The following MROH9 variants were observed in gnomAD, a reference collection of about 807,000 sequenced individuals.
The protein encoded by MROH9 is maestro heat-like repeat-containing protein family member 9.
Under a neutral mutation model 98.2 loss-of-function variants are expected in MROH9, and 92 were observed. That is an observed-to-expected ratio of 0.94 (90% CI 0.79 to 1.11). The LOEUF is 1.11. MROH9 is among the 50% of genes most tolerant of loss of function. The pLI, the probability that MROH9 is intolerant of heterozygous loss-of-function variation, is 0.00. For missense variants in MROH9, 1,057 were observed against 1,014.8 expected (o/e 1.04, Z -0.57); for synonymous variants, 397 against 368.9 (o/e 1.08, Z -0.87).
rs754332732 is a variant in MROH9 at position 171,044,972 on chromosome 1, C to CTTTTTTTTTTTTTTTTTTTTTTT, written c.2282-17135_2282-17113dup. Among the ~76,000 whole-genome samples, 29 of 45,708 alleles carry CTTTTTTTTTTTTTTTTTTTTTTT rather than the reference C, an allele frequency of 6.3e-4. 8 individuals are homozygous for CTTTTTTTTTTTTTTTTTTTTTTT. Among genetic ancestry groups the CTTTTTTTTTTTTTTTTTTTTTTT allele is most frequent in the Non-Finnish European group, 9.4e-4 (21 of 22,272 alleles). The allele number at this position is 45,708 out of a possible 152,430, so 30.0% of individuals were successfully genotyped here. A position where few individuals can be genotyped will look rare whatever the true frequency, so the allele number is the denominator to read the frequency against. The stretch of plus-strand genomic sequence containing the variant: ...CAATTCCATTTATTTCTGCTCTGAT[C>CTTTTTTTTTTTTTTTTTTTTTTT]TTTTTTTTTTTTTTTTTTTTTTTTT... On this transcript the variant is annotated intron_variant, in intron 20 of 21. Transcript: ENST00000367759.
intron 20 of MROH9, among the ~76,000 whole-genome samples, chr1:171,061,190 G>A (rs1485981780): frequency 6.6e-6 from 1 of 152,104 alleles, no homozygotes; most frequent in African/African-American, 2.4e-5. Flanking sequence ...AAACCCATGA[G>A]GATGACTGAA....
At position 170,957,151 on chromosome 1, in the gene MROH9, G is replaced by A. The variant is rs553794177; in HGVS notation, c.73-1310G>A. ...TCTAATTTTATTAATTGTTCTCTTT[G>A]CTGTGCAGAAGCTTGTTAGTTTGAT... On this transcript the variant is annotated intron_variant, in intron 3 of 21. Coordinates refer to ENST00000367759, the MANE Select transcript of MROH9 (RefSeq NM_001163629.2). Among the ~76,000 whole-genome samples, 6 of 150,248 alleles carry A rather than the reference G, an allele frequency of 4.0e-5. No homozygotes were observed. In the East Asian group the frequency reaches 5.9e-4, roughly 15 times the overall value.
chr1:170,992,683 T>C (rs1200203548), intron 12 of MROH9, among the ~76,000 whole-genome samples: 1 of 152,146 alleles, frequency 6.6e-6, no homozygotes, highest in Non-Finnish European at 1.5e-5. Flanking sequence ...CTGAATCAGG[T>C]GAGGATTTGA....
chr1:171,045,846 G>A (rs1653455807), intron 20 of MROH9, among the ~76,000 whole-genome samples: 1 of 152,084 alleles, frequency 6.6e-6, no homozygotes, highest in African/African-American at 2.4e-5. Flanking sequence ...ATGTTTCTTT[G>A]TTGATTTTCT....
At chr1:171,041,891 T>C (rs1653319502) in intron 20 of MROH9, among the ~76,000 whole-genome samples, 1 of 152,000 alleles carries the variant, frequency 6.6e-6, no homozygotes, top group Non-Finnish European at 1.5e-5. Context: ...TATATATTTA[T>C]GGGTACATGG....
At chr1:171,032,474 GTTGTTGTTT>G (rs1007600829) in intron 20 of MROH9, among the ~76,000 whole-genome samples, 1 of 152,000 alleles carries the variant, frequency 6.6e-6, no homozygotes, top group African/African-American at 2.4e-5. Flanking sequence ...GGGCTTTTTT[GTTGTTGTTT>G]TTGTTGTTTC....
At chr1:170,989,834 C>T in intron 10 of MROH9, 21 bp from the exon 11 acceptor site, 1 of 1,581,200 alleles carries the variant, frequency 6.3e-7, no homozygotes, top group South Asian at 1.1e-5. Flanking sequence ...TTCTTGTTTA[C>T]CTGTGGAATT....
intron 15 of MROH9, chr1:170,998,744 T>A: frequency 1.0e-6 from 1 of 988,138 alleles, no homozygotes; most frequent in Non-Finnish European, 1.2e-6. Context: ...TGTAATACTA[T>A]AATGGAATCA....
At chr1:171,005,683 GT>G (rs542370731) in intron 15 of MROH9, among the ~76,000 whole-genome samples, 4 of 151,692 alleles carry the variant, frequency 2.6e-5, no homozygotes, top group African/African-American at 4.8e-5. Flanking sequence ...AGTCATTATG[GT>G]TTTTTTTACA....
intron 20 of MROH9, among the ~76,000 whole-genome samples, chr1:171,056,977 A>G (rs183455807): frequency 2.2e-4 from 33 of 152,350 alleles, no homozygotes; most frequent in Non-Finnish European, 4.4e-5. Flanking sequence ...GCAGCCTCAA[A>G]CTCACAAAAC....
intron 17 of MROH9, among the ~76,000 whole-genome samples, chr1:171,020,351 G>A (rs1652476586): frequency 6.6e-6 from 1 of 152,152 alleles, no homozygotes; most frequent in East Asian, 1.9e-4. Context: ...GAATATTGAT[G>A]CGAAAATCCT....
Position 171,064,184 on chromosome 1 carries a change from T to A in MROH9, c.2430T>A (p.His810Gln). Residue 810 changes from histidine (H) to glutamine (Q), a missense_variant, in exon 22 of 22, where the codon CAT (histidine) becomes CAA (glutamine). Physicochemically the swap from His to Gln is conservative, Grantham distance 24. Transcript: ENST00000367759. ...ATGATATTTTTAAGAAAAAAGCCCA[T>A]AAACTGACCTCTGCACCTCTTAAAC... ...ITYDIFKKKA[H>Q]KLTSAPLKQN... 1 of 1,551,406 alleles carries A rather than the reference T, an allele frequency of 6.4e-7. No homozygotes were observed. Among genetic ancestry groups the A allele is most frequent in the Non-Finnish European group, 8.7e-7 (1 of 1,146,904 alleles).
intron 21 of MROH9, among the ~76,000 whole-genome samples, chr1:171,063,205 T>TATCTGGATATA (rs1202121153): frequency 6.6e-6 from 1 of 151,960 alleles, no homozygotes. Context: ...CACAGTCCAC[T>TATCTGGATATA]ATCTGGATAT....
intron 3 of MROH9, among the ~76,000 whole-genome samples, chr1:170,949,573 T>A (rs1044068245): frequency 2.0e-5 from 3 of 152,048 alleles, no homozygotes; most frequent in African/African-American, 7.2e-5. Context: ...AGTGTACAAT[T>A]GAGGGCGGAT....
intron 20 of MROH9, among the ~76,000 whole-genome samples, chr1:171,038,222 A>G (rs1220093353): frequency 6.6e-6 from 1 of 152,134 alleles, no homozygotes; most frequent in Non-Finnish European, 1.5e-5. Context: ...ACAATAGAAA[A>G]ATGGACGAAG....
intron 3 of MROH9, among the ~76,000 whole-genome samples, chr1:170,954,886 A>G (rs1438075000): frequency 1.3e-5 from 2 of 151,890 alleles, no homozygotes; most frequent in Non-Finnish European, 1.5e-5. Context: ...CTTTAGTGGT[A>G]ATTTGTGAGA....
intron 15 of MROH9, among the ~76,000 whole-genome samples, chr1:171,004,701 A>T (rs1306325823): frequency 6.6e-6 from 1 of 152,118 alleles, no homozygotes; most frequent in Non-Finnish European, 1.5e-5. Context: ...TCTGGAGCTA[A>T]AATTCACAAT....
intron 20 of MROH9, among the ~76,000 whole-genome samples, chr1:171,055,256 AG>A (rs1653799375): frequency 6.6e-6 from 1 of 152,230 alleles, no homozygotes; most frequent in Admixed American, 6.5e-5. Context: ...AAGTAACTCA[AG>A]AATGGAAAAC....
In MROH9 at chr1:170,998,142, T is replaced by G; in HGVS notation, c.1476-12T>G. 1 of 1,585,092 alleles carries G rather than the reference T, an allele frequency of 6.3e-7. No homozygotes were observed. The highest frequency in any genetic ancestry group is 1.8e-4 in the Middle Eastern group (1 of 5,708). On this transcript the variant is annotated splice_polypyrimidine_tract_variant and intron_variant, in intron 14 of 21. Coordinates refer to ENST00000367759, the MANE Select transcript of MROH9 (RefSeq NM_001163629.2). ...CTCCTTTGCTAATTCAGTGCCTTAT[T>G]CTCTTTTACAGAACTCTCAGTGAAT... is the stretch of plus-strand genomic sequence containing the variant.
Sources: allele counts gnomAD v4.1 joint callset (sites outside exome capture counted in the v4.1 genomes callset), GRCh38; gene constraint gnomAD v4.1.1; transcripts MANE v1.5; gene names NCBI Gene and HGNC (gene_info 2026-07-23, HGNC 2026-07-21).